Variants in DOCK4 observed in about 807,000 individuals in gnomAD.
DOCK4 encodes dedicator of cytokinesis protein 4.
In DOCK4, 97 loss-of-function variants were observed where a neutral mutation model predicts 268.1. The ratio of observed to expected loss-of-function variants is 0.36; its 90% CI spans 0.31 to 0.43. The LOEUF (loss-of-function observed/expected upper bound fraction) is 0.43, where lower values mean the gene tolerates loss of function less well. DOCK4 is among the 20% of genes least tolerant of loss of function. The pLI is 1.00. For synonymous variants in DOCK4, 954 were observed against 887.2 expected (o/e 1.08, Z -1.34); for missense variants, 2,145 against 2,455.7 (o/e 0.87, Z 2.67).
intron 30 of DOCK4, among the ~76,000 whole-genome samples, chr7:111,803,794 T>C (rs1291709817): frequency 6.6e-6 from 1 of 152,060 alleles, no homozygotes; most frequent in Non-Finnish European, 1.5e-5. Flanking sequence ...ACTTAGAAAA[T>C]GAAAACGCTG....
chr7:112,157,471 AT>A (rs1816726989), intron 1 of DOCK4, among the ~76,000 whole-genome samples: 1 of 152,202 alleles, frequency 6.6e-6, no homozygotes, highest in Non-Finnish European at 1.5e-5. Context: ...TGTGTAATCC[AT>A]TTGAAAGATC....
chr7:112,145,473 G>A (rs1222957208), intron 1 of DOCK4, among the ~76,000 whole-genome samples: 3 of 152,120 alleles, frequency 2.0e-5, no homozygotes, highest in Non-Finnish European at 2.9e-5. Flanking sequence ...CGCGGGGCTC[G>A]CAGTAATGCA....
chr7:111,994,297 T>A, intron 4 of DOCK4, 66 bp from the exon 5 acceptor site: 1 of 1,046,372 alleles, frequency 9.6e-7, no homozygotes, highest in Non-Finnish European at 1.4e-6. Flanking sequence ...TTTTAAATAC[T>A]CTAAAAGATA....
At position 111,796,095 on chromosome 7, in the gene DOCK4, T is replaced by A. The variant is rs546086139; in HGVS notation, c.3167-5490A>T. 3.7e-4 allele frequency among the ~76,000 whole-genome samples: 57 copies of A among 152,264 alleles called. No homozygotes were observed. The South Asian group carries it at 0.011, about 30-fold the overall frequency. ...CCTCCTTTAGCTGCACCCTGGGGCA[T>A]CTGGGAGGTCCCCCATTCTTGGGAA... is the stretch of plus-strand genomic sequence containing the variant. On this transcript the variant is annotated intron_variant, in intron 30 of 52. Transcript: ENST00000428084.
chr7:111,730,013 AATAGAG>A (rs139032091), intron 52 of DOCK4, among the ~76,000 whole-genome samples: 6,454 of 152,270 alleles, frequency 0.042, 155 homozygotes, highest in South Asian at 0.079. Flanking sequence ...ACATTCTCTT[AATAGAG>A]ATAATCTTTA....
At chr7:111,755,365 G>T in intron 42 of DOCK4, 150 bp downstream of exon 42, 1 of 689,912 alleles carries the variant, frequency 1.4e-6, no homozygotes, top group Non-Finnish European at 2.5e-6. Context: ...TCTCAGCCTT[G>T]GTAATAGCGG....
chr7:111,822,799 A>C (rs2133970677), intron 26 of DOCK4, among the ~76,000 whole-genome samples: 1 of 152,352 alleles, frequency 6.6e-6, no homozygotes, highest in South Asian at 2.1e-4. Context: ...ATAGCATCTT[A>C]AACATCAGAA....
At chr7:112,193,230 G>C (rs571663063) in intron 1 of DOCK4, among the ~76,000 whole-genome samples, 3 of 152,262 alleles carry the variant, frequency 2.0e-5, no homozygotes, top group Admixed American at 6.5e-5. Flanking sequence ...AAGACAATGT[G>C]AGCAACTTTG....
intron 30 of DOCK4, among the ~76,000 whole-genome samples, chr7:111,792,911 T>C (rs1279519429): frequency 6.6e-6 from 1 of 152,170 alleles, no homozygotes; most frequent in Non-Finnish European, 1.5e-5. Flanking sequence ...ACCAAGTCAA[T>C]AGCAAGTTTT....
At chr7:111,964,149 G>A (rs1271808555) in intron 8 of DOCK4, among the ~76,000 whole-genome samples, 2 of 147,020 alleles carry the variant, frequency 1.4e-5, no homozygotes, top group Non-Finnish European at 3.0e-5. Context: ...AACGCAGAGC[G>A]CCTCTCCTCC....
intron 12 of DOCK4, among the ~76,000 whole-genome samples, chr7:111,930,336 A>G (rs954833387): frequency 2.0e-5 from 3 of 152,176 alleles, no homozygotes; most frequent in Non-Finnish European, 2.9e-5. Flanking sequence ...GTTAGAGGGG[A>G]AAAAAGCCCA....
intron 1 of DOCK4, among the ~76,000 whole-genome samples, chr7:112,095,860 T>A (rs1013911474): frequency 5.3e-5 from 8 of 152,182 alleles, no homozygotes; most frequent in African/African-American, 1.9e-4. Context: ...GGCAGGCAGA[T>A]CTCCTGAGGT....
At chr7:111,810,386 A>C (rs559251890) in intron 28 of DOCK4, among the ~76,000 whole-genome samples, 1 of 152,150 alleles carries the variant, frequency 6.6e-6, no homozygotes, top group South Asian at 2.1e-4. Context: ...TGGGGGGCAG[A>C]GGTTGCAGTG....
chr7:112,133,625 C>A (rs1814024644), intron 1 of DOCK4, among the ~76,000 whole-genome samples: 1 of 152,032 alleles, frequency 6.6e-6, no homozygotes, highest in African/African-American at 2.4e-5. Context: ...AGGGCTGAGG[C>A]AGGAAGATTG....
chr7:111,757,300 T>C (rs1797087087), intron 41 of DOCK4, among the ~76,000 whole-genome samples: 1 of 152,046 alleles, frequency 6.6e-6, no homozygotes, highest in South Asian at 2.1e-4. Flanking sequence ...CAACGAAATG[T>C]AGTACGGTGG....
At chr7:111,884,319 A>G (rs1490734497) in intron 16 of DOCK4, among the ~76,000 whole-genome samples, 1 of 152,174 alleles carries the variant, frequency 6.6e-6, no homozygotes, top group Non-Finnish European at 1.5e-5. Flanking sequence ...CCTTGAGGCA[A>G]GATATTGTAA....
intron 1 of DOCK4, among the ~76,000 whole-genome samples, chr7:112,150,957 A>C (rs1467371975): frequency 2.0e-5 from 3 of 152,196 alleles, no homozygotes; most frequent in African/African-American, 7.2e-5. Flanking sequence ...TTTAAGCCAC[A>C]AGGATCTCTT....
intron 1 of DOCK4, among the ~76,000 whole-genome samples, chr7:112,063,136 A>C (rs1022814938): frequency 6.6e-6 from 1 of 152,212 alleles, no homozygotes; most frequent in Non-Finnish European, 1.5e-5. Context: ...AATAAACCAC[A>C]CTAGGTGAAG....
chr7:112,048,698 G>GT (rs1586717053), intron 1 of DOCK4, among the ~76,000 whole-genome samples: 1 of 147,150 alleles, frequency 6.8e-6, no homozygotes, highest in Non-Finnish European at 1.5e-5. Flanking sequence ...AGAAAGTAGA[G>GT]AAACGTCTCT....
Sources: gnomAD v4.1 joint callset for allele counts (sites outside exome capture counted in the v4.1 genomes callset) on GRCh38, gnomAD v4.1.1 for gene constraint, MANE v1.5 for transcripts, NCBI Gene and HGNC (gene_info 2026-07-23, HGNC 2026-07-21) for gene names.